HS3ST5: variants seen among roughly 807,000 people sequenced by gnomAD.
HS3ST5 encodes the protein heparan sulfate-glucosamine 3-sulfotransferase 5.
HS3ST5 carries 10 observed loss-of-function variants against 25.4 expected under a neutral mutation model. The observed-to-expected ratio is 0.39, with a 90% confidence interval of 0.24 to 0.67. The LOEUF (loss-of-function observed/expected upper bound fraction) is 0.67, where lower values mean the gene tolerates loss of function less well. HS3ST5 is among the 30% of genes least tolerant of loss of function. The probability of loss-of-function intolerance (pLI) is 0.44; values close to 1 mark genes in which losing one functional copy is unlikely to be tolerated. For synonymous variants in HS3ST5, 170 were observed against 162.4 expected (o/e 1.05, Z -0.36); for missense variants, 324 against 420.7 (o/e 0.77, Z 2.01).
At chr6:114,136,512 G>A (rs1325544269) in intron 3 of HS3ST5, among the ~76,000 whole-genome samples, 1 of 152,178 alleles carries the variant, frequency 6.6e-6, no homozygotes, top group Admixed American at 6.5e-5. Context: ...AGCAGCATGA[G>A]AACAGACTAA....
chr6:114,073,290 T>G (rs549357891), intron 3 of HS3ST5, among the ~76,000 whole-genome samples: 16 of 151,998 alleles, frequency 1.1e-4, no homozygotes, highest in African/African-American at 3.9e-4. Flanking sequence ...AATAGACAAA[T>G]GGGATCTAAT....
intron 1 of HS3ST5, among the ~76,000 whole-genome samples, chr6:114,240,973 A>T (rs1287052276): frequency 6.6e-6 from 1 of 152,186 alleles, no homozygotes; most frequent in African/African-American, 2.4e-5. Context: ...GGTAGTTTTG[A>T]TATCAATGGG....
At chr6:114,296,596 A>G (rs1056830541) in intron 1 of HS3ST5, among the ~76,000 whole-genome samples, 3 of 152,190 alleles carry the variant, frequency 2.0e-5, no homozygotes, top group African/African-American at 4.8e-5. Context: ...TATTCATTTT[A>G]TCTTCAACAT....
intron 1 of HS3ST5, among the ~76,000 whole-genome samples, chr6:114,332,297 T>C (rs1776432534): frequency 6.6e-6 from 1 of 152,178 alleles, no homozygotes; most frequent in Non-Finnish European, 1.5e-5. Flanking sequence ...CCCATTTTCT[T>C]ATATCGTGCC....
At chr6:114,150,086 G>A (rs905517073) in intron 3 of HS3ST5, among the ~76,000 whole-genome samples, 81 of 152,318 alleles carry the variant, frequency 5.3e-4, no homozygotes, top group African/African-American at 1.8e-3. Context: ...AGTAGGAAAT[G>A]ACTATGTTTT....
intron 2 of HS3ST5, among the ~76,000 whole-genome samples, chr6:114,191,809 G>C (rs975468142): frequency 6.6e-6 from 1 of 152,098 alleles, no homozygotes; most frequent in Non-Finnish European, 1.5e-5. Context: ...CTTTGAGGCA[G>C]ACCGCTTGAT....
intron 1 of HS3ST5, among the ~76,000 whole-genome samples, chr6:114,337,042 T>TA: frequency 6.6e-6 from 1 of 152,356 alleles, no homozygotes; most frequent in East Asian, 1.9e-4. Flanking sequence ...CTCCTAAACT[T>TA]AAACATTTAA....
intron 2 of HS3ST5, among the ~76,000 whole-genome samples, chr6:114,178,494 C>A (rs1349716410): frequency 2.0e-5 from 3 of 152,164 alleles, no homozygotes; most frequent in African/African-American, 7.2e-5. Flanking sequence ...GGAGAATACA[C>A]ACATAGGAAC....
rs776941222 is a variant in HS3ST5, at chr6:114,057,438, T to C, written c.860A>G (p.Asn287Ser). The C allele has an allele frequency of 6.2e-7, 1 of 1,614,162 alleles. No homozygotes were observed. Among genetic ancestry groups the C allele is most frequent in the Non-Finnish European group, 8.5e-7 (1 of 1,180,020 alleles). The change falls in exon 5 of 5, where the codon AAT becomes AGT. Residue 287 changes from asparagine to serine, a missense_variant. Asn to Ser is a conservative substitution (Grantham distance 46). This residue lies in a region of HS3ST5 where 203 missense variants were observed against 303.4 expected (regional missense o/e 0.67). Coordinates refer to ENST00000312719, the MANE Select transcript of HS3ST5 (RefSeq NM_153612.4). ...CAAGCAGTAAAACCCTCTGGTAGCA[T>C]TGAAGTATAAATTGTATTGACTTAT... The part of the protein sequence containing the change: ...PRISQYNLYF[N>S]ATRGFYCLRF...
In HS3ST5 at chr6:114,276,383, T is replaced by C. The variant is rs369127440; in HGVS notation, c.-338-47605A>G. ...CCATGCACATAAAATGTTATTTATA[T>C]ATTTATTGGTTAAATGAATTAACAT... On this transcript the variant is annotated intron_variant, in intron 1 of 4. Transcript: ENST00000312719. 2.0e-5 allele frequency among the ~76,000 whole-genome samples: 3 copies of C among 152,106 alleles called. No homozygotes were observed. In the East Asian group the frequency reaches 5.8e-4, roughly 30 times the overall value.
At chr6:114,321,691 C>T (rs775092950) in intron 1 of HS3ST5, among the ~76,000 whole-genome samples, 20 of 152,050 alleles carry the variant, frequency 1.3e-4, no homozygotes, top group Non-Finnish European at 2.2e-4. Flanking sequence ...AAGTCTACTT[C>T]AAAGTATTAG....
intron 3 of HS3ST5, among the ~76,000 whole-genome samples, chr6:114,115,047 T>C (rs908759539): frequency 1.3e-5 from 2 of 152,134 alleles, no homozygotes; most frequent in Admixed American, 1.3e-4. Flanking sequence ...ATGTACAATG[T>C]GGAATCTCAG....
chr6:114,212,053 T>C (rs963744664), intron 2 of HS3ST5, among the ~76,000 whole-genome samples: 2 of 152,222 alleles, frequency 1.3e-5, no homozygotes, highest in Non-Finnish European at 2.9e-5. Flanking sequence ...GTGTGGTCTA[T>C]AACGGCCTCT....
chr6:114,279,317 T>G (rs1221657103), intron 1 of HS3ST5, among the ~76,000 whole-genome samples: 1 of 152,032 alleles, frequency 6.6e-6, no homozygotes, highest in Non-Finnish European at 1.5e-5. Flanking sequence ...AAATCGTGTT[T>G]GTTCTTAATA....
intron 3 of HS3ST5, among the ~76,000 whole-genome samples, chr6:114,098,179 TC>T (rs1562195935): frequency 6.6e-6 from 1 of 151,976 alleles, no homozygotes; most frequent in African/African-American, 2.4e-5. Context: ...GTTATTATGA[TC>T]TTTTGCTTAA....
At chr6:114,243,205 C>A (rs1772221521) in intron 1 of HS3ST5, among the ~76,000 whole-genome samples, 1 of 152,154 alleles carries the variant, frequency 6.6e-6, no homozygotes, top group Non-Finnish European at 1.5e-5. Context: ...TCCAAGTGGC[C>A]CACAGACCCA....
At chr6:114,196,887 T>A (rs368903055) in intron 2 of HS3ST5, among the ~76,000 whole-genome samples, 5 of 140,418 alleles carry the variant, frequency 3.6e-5, no homozygotes, top group East Asian at 4.2e-4. Context: ...GAAAAAAAAA[T>A]AAACATTGGG....
chr6:114,229,072 C>T (rs1313864378), intron 1 of HS3ST5, among the ~76,000 whole-genome samples: 1 of 152,088 alleles, frequency 6.6e-6, no homozygotes, highest in East Asian at 1.9e-4. Flanking sequence ...CTACATTTTG[C>T]AGCTGAATTT....
chr6:114,292,400 C>G (rs1349504848), intron 1 of HS3ST5, among the ~76,000 whole-genome samples: 2 of 152,118 alleles, frequency 1.3e-5, no homozygotes, highest in African/African-American at 4.8e-5. Context: ...GAATCCACTC[C>G]TGCAAGCCCT....
Sources: gnomAD v4.1 joint callset for allele counts (sites outside exome capture counted in the v4.1 genomes callset) on GRCh38, gnomAD v4.1.1 for gene constraint, gnomAD v4.1.1 regional missense constraint, MANE v1.5 for transcripts, NCBI Gene and HGNC (gene_info 2026-07-23, HGNC 2026-07-21) for gene names.